The following CTNNA2 variants were observed in gnomAD, a reference collection of about 807,000 sequenced individuals.
CTNNA2 encodes the protein catenin alpha-2.
In CTNNA2, 42 loss-of-function variants were observed where a neutral mutation model predicts 101.0. That is an observed-to-expected ratio of 0.42 (90% CI 0.32 to 0.54). CTNNA2 has a LOEUF of 0.54. CTNNA2 is among the 20% of genes least tolerant of loss of function. The pLI, the probability that CTNNA2 is intolerant of heterozygous loss-of-function variation, is 0.14. For synonymous variants in CTNNA2, 450 were observed against 456.4 expected (o/e 0.99, Z 0.18); for missense variants, 871 against 1,223.1 (o/e 0.71, Z 4.29).
chr2:80,468,757 G>A (rs781746262), intron 9 of CTNNA2, among the ~76,000 whole-genome samples: 14 of 152,164 alleles, frequency 9.2e-5, no homozygotes, highest in African/African-American at 2.6e-4. Context: ...TTCTGTAGAC[G>A]CAGAATTCAA....
chr2:79,386,028 A>G (rs1295259680), intron 4 of CTNNA2, among the ~76,000 whole-genome samples: 1 of 152,150 alleles, frequency 6.6e-6, no homozygotes. Context: ...ATGATTTATA[A>G]TCCTTTGAGT....
intron 11 of CTNNA2, among the ~76,000 whole-genome samples, chr2:80,554,727 A>T (rs1365985642): frequency 1.3e-5 from 2 of 152,194 alleles, no homozygotes; most frequent in Non-Finnish European, 2.9e-5. Context: ...ATGAATTTTA[A>T]GGGAATAAAA....
chr2:79,771,999 T>TCCTCC (rs1673623371), intron 3 of CTNNA2, among the ~76,000 whole-genome samples: 1 of 133,650 alleles, frequency 7.5e-6, no homozygotes, highest in Non-Finnish European at 1.6e-5. Context: ...TAACCCCCCC[T>TCCTCC]CCTCCCCTCC....
At chr2:79,281,308 G>T (rs1573022028) in intron 2 of CTNNA2, among the ~76,000 whole-genome samples, 1 of 152,190 alleles carries the variant, frequency 6.6e-6, no homozygotes, top group African/African-American at 2.4e-5. Context: ...TCCCCATGGT[G>T]GTGATCTAAA....
chr2:79,638,594 A>G (rs1460626706), intron 1 of CTNNA2, among the ~76,000 whole-genome samples: 1 of 152,202 alleles, frequency 6.6e-6, no homozygotes, highest in Non-Finnish European at 1.5e-5. Context: ...TGTAGCTGCC[A>G]CTGGATGCAA....
chr2:80,443,500 A>C (rs1168250047), intron 9 of CTNNA2, among the ~76,000 whole-genome samples: 1 of 152,182 alleles, frequency 6.6e-6, no homozygotes, highest in Non-Finnish European at 1.5e-5. Flanking sequence ...GACAAAGCTA[A>C]CATTCATGGC....
intron 1 of CTNNA2, among the ~76,000 whole-genome samples, chr2:79,631,021 T>C (rs138963190): frequency 2.0e-5 from 3 of 152,328 alleles, no homozygotes; most frequent in Non-Finnish European, 4.4e-5. Context: ...TGAGTTCTTT[T>C]CTCATTGATC....
chr2:80,014,544 T>C (rs1694003735), intron 7 of CTNNA2, among the ~76,000 whole-genome samples: 1 of 152,190 alleles, frequency 6.6e-6, no homozygotes, highest in South Asian at 2.1e-4. Context: ...CCATAGTGAA[T>C]ACACCAAGCT....
At chr2:80,079,828 T>TAAAATAAAATAAAATAAAATA (rs371009954) in intron 7 of CTNNA2, among the ~76,000 whole-genome samples, 14 of 120,100 alleles carry the variant, frequency 1.2e-4, no homozygotes, top group South Asian at 2.6e-4. Flanking sequence ...TAAAATAAAA[T>TAAAATAAAATAAAATAAAATA]AAATAAAATA....
At chr2:80,264,136 A>G (rs778405661) in intron 7 of CTNNA2, among the ~76,000 whole-genome samples, 12 of 152,156 alleles carry the variant, frequency 7.9e-5, no homozygotes, top group Non-Finnish European at 1.6e-4. Context: ...TAGAAGTGAA[A>G]GATTGCTTGC....
chr2:79,536,749 G>A (rs1673097929), intron 1 of CTNNA2, among the ~76,000 whole-genome samples: 1 of 150,406 alleles, frequency 6.6e-6, no homozygotes, highest in South Asian at 2.1e-4. Flanking sequence ...CAAGGCTGGA[G>A]TGCAGTGGTG....
rs570349852 is a variant in CTNNA2 at position 80,095,041 on chromosome 2, T to A, written c.1056+185244T>A. On this transcript the variant is annotated intron_variant, in intron 7 of 18. Coordinates refer to ENST00000402739, the MANE Select transcript of CTNNA2 (RefSeq NM_001282597.3). Reference sequence around the variant, plus strand: ...CCTGGCCAGAACTTCCAACACTATGTTGAATAGGAGTGGTGAGAGAGGGCT... The same window carrying A: ...CCTGGCCAGAACTTCCAACACTATGATGAATAGGAGTGGTGAGAGAGGGCT... Among the ~76,000 whole-genome samples the A allele has an allele frequency of 2.6e-3, 400 of 152,328 alleles. 2 individuals carry two copies. Among genetic ancestry groups the A allele is most frequent in the African/African-American group, 8.8e-3 (367 of 41,586 alleles).
At chr2:80,440,790 C>A (rs912396026) in intron 9 of CTNNA2, among the ~76,000 whole-genome samples, 8 of 152,248 alleles carry the variant, frequency 5.3e-5, no homozygotes, top group African/African-American at 1.9e-4. Flanking sequence ...AAATTCCACC[C>A]CATGATCTGA....
chr2:79,336,786 G>C (rs1174464580), intron 3 of CTNNA2, among the ~76,000 whole-genome samples: 2 of 152,124 alleles, frequency 1.3e-5, no homozygotes, highest in Admixed American at 1.3e-4. Context: ...GTCAAAGCTT[G>C]ATTAAATGAT....
chr2:79,610,697 TGAA>T (rs1678212013), intron 1 of CTNNA2, among the ~76,000 whole-genome samples: 1 of 151,972 alleles, frequency 6.6e-6, no homozygotes, highest in Non-Finnish European at 1.5e-5. Context: ...TGATTTCCTG[TGAA>T]GAAGGGATGG....
At chr2:80,349,154 C>G (rs534170459) in intron 7 of CTNNA2, among the ~76,000 whole-genome samples, 1 of 152,106 alleles carries the variant, frequency 6.6e-6, no homozygotes, top group East Asian at 1.9e-4. Context: ...TGACTGTTCT[C>G]ATTGCCTGAT....
Position 79,860,549 on chromosome 2 carries a change from T to G in CTNNA2, c.465+2370T>G, listed in dbSNP as rs1444598997. On this transcript the variant is annotated intron_variant, in intron 4 of 18. Transcript: ENST00000402739. ...TCCACACAGCCGAGTAAGGGAAGTTTTTTTTTTTTTTTTTTTAACGATTTA... is the reference window on the plus strand; with the variant it reads ...TCCACACAGCCGAGTAAGGGAAGTTGTTTTTTTTTTTTTTTTAACGATTTA... Among the ~76,000 whole-genome samples the G allele has an allele frequency of 4.0e-5, 6 of 148,286 alleles. No individual in the cohort carries two copies. The Admixed American group carries it at 4.1e-4, about 10-fold the overall frequency.
chr2:79,936,662 G>A (rs531415119), intron 7 of CTNNA2, among the ~76,000 whole-genome samples: 2 of 152,056 alleles, frequency 1.3e-5, no homozygotes, highest in South Asian at 4.2e-4. Flanking sequence ...CTTACCTTAA[G>A]CCATCGTTCC....
intron 9 of CTNNA2, among the ~76,000 whole-genome samples, chr2:80,422,026 G>A (rs1680568921): frequency 3.3e-5 from 5 of 152,106 alleles, no homozygotes; most frequent in Admixed American, 1.3e-4. Context: ...ACATAGTCAT[G>A]TGCCTGCAAA....
Sources: allele counts gnomAD v4.1 joint callset (sites outside exome capture counted in the v4.1 genomes callset), GRCh38; gene constraint gnomAD v4.1.1; transcripts MANE v1.5; gene names NCBI Gene and HGNC (gene_info 2026-07-23, HGNC 2026-07-21).